Variants in GRM8 observed in about 807,000 individuals in gnomAD.
The protein encoded by GRM8 is metabotropic glutamate receptor 8.
Under a neutral mutation model 87.2 loss-of-function variants are expected in GRM8, and 47 were observed. The observed-to-expected ratio is 0.54, with a 90% CI of 0.43 to 0.69. The LOEUF is 0.69. Ranked by LOEUF, GRM8 falls within the 30% of genes least tolerant of loss-of-function variation. The pLI, the probability that GRM8 is intolerant of heterozygous loss-of-function variation, is 0.00. For synonymous variants in GRM8, 396 were observed against 404.5 expected (o/e 0.98, Z 0.25); for missense variants, 1,019 against 1,139.2 (o/e 0.89, Z 1.52).
chr7:126,554,294 G>A (rs985278280), intron 8 of GRM8, among the ~76,000 whole-genome samples: 3 of 151,844 alleles, frequency 2.0e-5, no homozygotes, highest in African/African-American at 7.3e-5. Flanking sequence ...AGGGTAATAA[G>A]GGAGGCCAGG....
intron 8 of GRM8, among the ~76,000 whole-genome samples, chr7:126,585,370 A>G (rs1487076264): frequency 5.9e-5 from 9 of 152,274 alleles, no homozygotes; most frequent in African/African-American, 1.4e-4. Context: ...TATCATCACA[A>G]TCTTCATAAG....
At chr7:126,617,479 C>T (rs908905637) in intron 7 of GRM8, among the ~76,000 whole-genome samples, 5 of 152,142 alleles carry the variant, frequency 3.3e-5, no homozygotes, top group African/African-American at 4.8e-5. Context: ...GACAGAGATG[C>T]CCTCTCTCAC....
chr7:126,979,108 C>T (rs1811285024), intron 3 of GRM8, among the ~76,000 whole-genome samples: 1 of 152,128 alleles, frequency 6.6e-6, no homozygotes, highest in Admixed American at 6.5e-5. Context: ...CCAGAAGTAG[C>T]CTGACACATG....
At chr7:127,199,126 C>G (rs1236476220) in intron 2 of GRM8, among the ~76,000 whole-genome samples, 1 of 149,358 alleles carries the variant, frequency 6.7e-6, no homozygotes, top group Admixed American at 6.7e-5. Flanking sequence ...CAGGCGTGAG[C>G]CACCGCACCC....
At chr7:126,906,425 C>G (rs1586406458) in intron 3 of GRM8, among the ~76,000 whole-genome samples, 1 of 152,156 alleles carries the variant, frequency 6.6e-6, no homozygotes, top group East Asian at 1.9e-4. Context: ...CAGTGATTTG[C>G]TCACCTCATC....
chr7:126,949,840 T>C (rs1290777249), intron 3 of GRM8, among the ~76,000 whole-genome samples: 1 of 152,230 alleles, frequency 6.6e-6, no homozygotes, highest in African/African-American at 2.4e-5. Context: ...AGACTTTCCC[T>C]GACTAATTCT....
chr7:127,129,322 T>C (rs1827546609), intron 2 of GRM8, among the ~76,000 whole-genome samples: 1 of 152,184 alleles, frequency 6.6e-6, no homozygotes, highest in Admixed American at 6.5e-5. Context: ...TATGAAAAGA[T>C]ATTTATTTCC....
At chr7:127,227,002 G>GTT (rs1243071150) in intron 2 of GRM8, among the ~76,000 whole-genome samples, 2 of 152,170 alleles carry the variant, frequency 1.3e-5, no homozygotes, top group African/African-American at 4.8e-5. Context: ...ATAAAAAGCT[G>GTT]TTTTTATCTA....
intron 7 of GRM8, among the ~76,000 whole-genome samples, chr7:126,619,729 CA>C (rs1481727407): frequency 6.6e-6 from 1 of 152,060 alleles, no homozygotes; most frequent in Non-Finnish European, 1.5e-5. Flanking sequence ...CTCCCTCTGT[CA>C]CTCAGGCTGG....
At position 126,653,300 on chromosome 7, in the gene GRM8, CAAAAA is replaced by C. The variant is rs35546815; in HGVS notation, c.1358-43807_1358-43803del. On this transcript the variant is annotated intron_variant, in intron 7 of 10. Coordinates refer to ENST00000339582, the MANE Select transcript of GRM8 (RefSeq NM_000845.3). ...GGGTGACAGAGTGAGATCCTGTCTC[CAAAAA>C]AAAAAAAAAAAGGCAAGGAGAGGGT... 1.7e-4 allele frequency among the ~76,000 whole-genome samples: 19 copies of C among 109,020 alleles called. 1 individual carries two copies. Among genetic ancestry groups the C allele is most frequent in the Non-Finnish European group, 2.7e-4 (15 of 54,628 alleles). The allele number at this position is 109,020 out of a possible 152,430, so 71.5% of individuals were successfully genotyped here.
chr7:127,211,002 T>C (rs961728549), intron 2 of GRM8, among the ~76,000 whole-genome samples: 1 of 152,190 alleles, frequency 6.6e-6, no homozygotes, highest in African/African-American at 2.4e-5. Context: ...AGAACACTTG[T>C]CATGGCCTGA....
chr7:126,613,661 A>G (rs925641441), intron 7 of GRM8, among the ~76,000 whole-genome samples: 9 of 152,300 alleles, frequency 5.9e-5, no homozygotes, highest in Admixed American at 5.2e-4. Flanking sequence ...CACCTGGAAA[A>G]TCAGGTCACT....
intron 7 of GRM8, among the ~76,000 whole-genome samples, chr7:126,614,469 C>T (rs1191430762): frequency 6.6e-6 from 1 of 152,142 alleles, no homozygotes; most frequent in Admixed American, 6.5e-5. Context: ...AATCAGAGCA[C>T]CTCTCCCCCT....
At chr7:127,084,755 G>C (rs1309071963) in intron 3 of GRM8, 1 of 152,156 alleles carries the variant, frequency 6.6e-6, no homozygotes, top group Non-Finnish European at 1.5e-5. Flanking sequence ...CACTCATACT[G>C]GTGGTGTCAG....
intron 9 of GRM8, among the ~76,000 whole-genome samples, chr7:126,478,599 TA>T (rs1294163514): frequency 2.0e-5 from 3 of 152,210 alleles, no homozygotes; most frequent in East Asian, 1.9e-4. Flanking sequence ...TTTATTACAT[TA>T]AAAAATGATT....
intron 3 of GRM8, among the ~76,000 whole-genome samples, chr7:126,914,165 G>A (rs1482971602): frequency 1.3e-5 from 2 of 151,914 alleles, no homozygotes; most frequent in Non-Finnish European, 2.9e-5. Context: ...ACAAATATAC[G>A]AAAAAAATGC....
intron 6 of GRM8, among the ~76,000 whole-genome samples, chr7:126,866,081 C>A (rs1358489258): frequency 6.6e-6 from 1 of 152,174 alleles, no homozygotes; most frequent in East Asian, 1.9e-4. Flanking sequence ...CACATCCTTG[C>A]CAAAACTCGT....
chr7:126,999,886 T>C (rs1813551725), intron 3 of GRM8, among the ~76,000 whole-genome samples: 1 of 151,874 alleles, frequency 6.6e-6, no homozygotes, highest in South Asian at 2.1e-4. Flanking sequence ...CACCCCTGGG[T>C]ATATACCCAA....
At chr7:126,583,712 T>C (rs555676826) in intron 8 of GRM8, among the ~76,000 whole-genome samples, 3 of 152,278 alleles carry the variant, frequency 2.0e-5, no homozygotes, top group African/African-American at 4.8e-5. Flanking sequence ...TACAATCTCA[T>C]GATAAAACTT....
Sources: gnomAD v4.1 joint callset for allele counts (sites outside exome capture counted in the v4.1 genomes callset) on GRCh38, gnomAD v4.1.1 for gene constraint, MANE v1.5 for transcripts, NCBI Gene and HGNC (gene_info 2026-07-23, HGNC 2026-07-21) for gene names.